UGGT2: variants seen among roughly 807,000 people sequenced by gnomAD.
The protein encoded by UGGT2 is UDP-glucose glycoprotein glucosyltransferase 2.
A neutral mutation model predicts 192.1 loss-of-function variants in UGGT2; 180 were observed. The ratio of observed to expected loss-of-function variants is 0.94; its 90% CI spans 0.83 to 1.06. The LOEUF is 1.06. Ranked by LOEUF, UGGT2 falls within the 50% of genes least tolerant of loss-of-function variation. The probability of loss-of-function intolerance (pLI) is 0.00; values close to 1 mark genes in which losing one functional copy is unlikely to be tolerated. For synonymous variants in UGGT2, 580 were observed against 591.0 expected (o/e 0.98, Z 0.27); for missense variants, 1,849 against 1,795.7 (o/e 1.03, Z -0.54).
intron 27 of UGGT2, among the ~76,000 whole-genome samples, chr13:95,879,131 A>G (rs2047421897): frequency 6.6e-6 from 1 of 152,308 alleles, no homozygotes; most frequent in South Asian, 2.1e-4. Flanking sequence ...ACAAGGAAGC[A>G]ATACACCAAA....
chr13:95,898,636 G>A (rs2048016346), intron 22 of UGGT2, among the ~76,000 whole-genome samples: 2 of 152,070 alleles, frequency 1.3e-5, no homozygotes, highest in African/African-American at 4.8e-5. Context: ...GGGAGCTGGG[G>A]CCTAATGGGA....
chr13:95,906,730 T>C (rs1029045889), intron 20 of UGGT2, among the ~76,000 whole-genome samples: 2 of 152,202 alleles, frequency 1.3e-5, no homozygotes, highest in African/African-American at 4.8e-5. Flanking sequence ...TTTTTCACTG[T>C]ATACAAAAGA....
chr13:95,970,334 G>C (rs1320899561), intron 11 of UGGT2, 72 bp from the exon 12 acceptor site: 1 of 1,364,224 alleles, frequency 7.3e-7, no homozygotes, highest in Non-Finnish European at 1.0e-6. Flanking sequence ...AAGTTTGATA[G>C]TCTTAAAGCA....
At chr13:95,996,838 A>T (rs894028768) in intron 6 of UGGT2, among the ~76,000 whole-genome samples, 1 of 152,332 alleles carries the variant, frequency 6.6e-6, no homozygotes. Context: ...ATCAAGGAAC[A>T]TTTAGAAAGA....
chr13:95,846,761 T>C (rs1888506904), intron 36 of UGGT2, among the ~76,000 whole-genome samples: 1 of 152,226 alleles, frequency 6.6e-6, no homozygotes, highest in Non-Finnish European at 1.5e-5. Context: ...TCAGGTTACC[T>C]ATTTCACGTT....
At chr13:96,025,508 A>G (rs1318367330) in intron 2 of UGGT2, among the ~76,000 whole-genome samples, 2 of 152,232 alleles carry the variant, frequency 1.3e-5, no homozygotes, top group Non-Finnish European at 2.9e-5. Context: ...TGCCAATATT[A>G]GATCCTTTCA....
At chr13:95,895,338 T>C (rs1456250463) in intron 22 of UGGT2, 34 bp from the exon 23 acceptor site, 1 of 1,237,508 alleles carries the variant, frequency 8.1e-7, no homozygotes, top group South Asian at 1.6e-5. Flanking sequence ...ATCATATATC[T>C]TCTAGAAGAT....
intron 7 of UGGT2, among the ~76,000 whole-genome samples, chr13:95,992,026 G>A (rs575109365): frequency 5.9e-5 from 9 of 152,230 alleles, no homozygotes; most frequent in African/African-American, 2.2e-4. Flanking sequence ...AGCTGGGAGT[G>A]GTGGCAGACG....
intron 15 of UGGT2, 105 bp from the exon 16 acceptor site, chr13:95,940,196 ACT>A: frequency 1.2e-6 from 1 of 805,190 alleles, no homozygotes; most frequent in Non-Finnish European, 1.8e-6. Flanking sequence ...TTCAAAATAT[ACT>A]AACTACACAT....
intron 22 of UGGT2, among the ~76,000 whole-genome samples, chr13:95,896,341 T>C (rs1463970318): frequency 1.3e-5 from 2 of 152,114 alleles, no homozygotes; most frequent in Non-Finnish European, 2.9e-5. Context: ...ATAAATATCA[T>C]GTTTCACCTT....
At chr13:95,835,005 C>T (rs571126496) in intron 37 of UGGT2, among the ~76,000 whole-genome samples, 38 of 152,206 alleles carry the variant, frequency 2.5e-4, no homozygotes, top group African/African-American at 7.9e-4. Context: ...AATTTTAATA[C>T]TATATTTTAT....
chr13:95,851,050 A>G (rs926340635), intron 36 of UGGT2, among the ~76,000 whole-genome samples: 1 of 152,214 alleles, frequency 6.6e-6, no homozygotes, highest in African/African-American at 2.4e-5. Flanking sequence ...TGAGGTCTTA[A>G]TTGAATTTGT....
At chr13:96,038,466 G>A (rs142484250) in intron 1 of UGGT2, among the ~76,000 whole-genome samples, 65 of 152,306 alleles carry the variant, frequency 4.3e-4, no homozygotes, top group African/African-American at 1.4e-3. Flanking sequence ...GAGGAAGACT[G>A]TAAAAGAATG....
At chr13:96,012,653 T>A (rs1327747472) in intron 5 of UGGT2, among the ~76,000 whole-genome samples, 1 of 152,046 alleles carries the variant, frequency 6.6e-6, no homozygotes, top group Non-Finnish European at 1.5e-5. Context: ...TCTTAATAAT[T>A]TGGGAAATGC....
At chr13:96,019,136 G>A (rs931345459) in intron 4 of UGGT2, among the ~76,000 whole-genome samples, 2 of 84,436 alleles carry the variant, frequency 2.4e-5, no homozygotes, top group African/African-American at 9.3e-5. Context: ...GGGGGGGGGG[G>A]GGAATGTTTC....
At chr13:96,052,705 T>C (rs1029739638) in intron 1 of UGGT2, among the ~76,000 whole-genome samples, 5 of 152,302 alleles carry the variant, frequency 3.3e-5, no homozygotes, top group South Asian at 4.1e-4. Context: ...ATGAACTAAT[T>C]CCGTTGGAAG....
intron 36 of UGGT2, among the ~76,000 whole-genome samples, chr13:95,850,493 T>C (rs1888929888): frequency 6.6e-6 from 1 of 152,190 alleles, no homozygotes; most frequent in South Asian, 2.1e-4. Context: ...GTCAAAATTA[T>C]GTGGTTTGTG....
intron 20 of UGGT2, among the ~76,000 whole-genome samples, chr13:95,909,297 G>A (rs567401503): frequency 1.5e-4 from 23 of 152,006 alleles, no homozygotes; most frequent in East Asian, 9.7e-4. Flanking sequence ...AAAGACACAC[G>A]CACACGTATG....
chr13:96,040,480 TACATTAAC>T (rs2053133342), intron 1 of UGGT2, among the ~76,000 whole-genome samples: 1 of 152,168 alleles, frequency 6.6e-6, no homozygotes, highest in Admixed American at 6.5e-5. Context: ...GATCCTTACT[TACATTAAC>T]ACAGACATTT....
Sources: allele counts gnomAD v4.1 joint callset (sites outside exome capture counted in the v4.1 genomes callset), GRCh38; gene constraint gnomAD v4.1.1; transcripts MANE v1.5; gene names NCBI Gene and HGNC (gene_info 2026-07-23, HGNC 2026-07-21).